TRNT1: variants seen among roughly 807,000 people sequenced by gnomAD.
TRNT1 encodes CCA tRNA nucleotidyltransferase 1, mitochondrial.
TRNT1 carries 44 observed loss-of-function variants against 45.6 expected under a neutral mutation model. The ratio of observed to expected loss-of-function variants is 0.97; its 90% CI spans 0.76 to 1.24. The LOEUF (loss-of-function observed/expected upper bound fraction) is 1.24, where lower values mean the gene tolerates loss of function less well. Among genes scored for constraint, TRNT1 ranks in the 50% most tolerant of loss-of-function variants. The probability of loss-of-function intolerance (pLI) is 0.00; values close to 1 mark genes in which losing one functional copy is unlikely to be tolerated. For missense variants in TRNT1, 633 were observed against 504.4 expected (o/e 1.25, Z -2.44); for synonymous variants, 201 against 171.4 (o/e 1.17, Z -1.35).
chr3:3,136,689 C>G, intron 2 of TRNT1: 2 of 414,362 alleles, frequency 4.8e-6, no homozygotes, highest in Non-Finnish European at 9.4e-6. Flanking sequence ...AGGTCTTGCT[C>G]TGTCACCCAG....
intron 5 of TRNT1, chr3:3,144,960 G>A (rs1705897414): frequency 4.3e-6 from 1 of 231,208 alleles, no homozygotes; most frequent in East Asian, 1.2e-4. Context: ...CTTTTTAAAT[G>A]TCCATTTTTC....
rs1463719011 is a variant in TRNT1, at chr3:3,149,020, C to CAA, written c.*868_*869dup. 1.3e-5 allele frequency: 2 copies of CAA among 151,806 alleles called. No individual in the cohort carries two copies. The highest frequency in any genetic ancestry group is 1.9e-4 in the East Asian group (1 of 5,166). The allele number at this position is 151,806 out of a possible 1,614,324, so 9.4% of individuals were successfully genotyped here. A position where few individuals can be genotyped will look rare whatever the true frequency, so the allele number is the denominator to read the frequency against. Reference sequence around the variant, plus strand: ...CATCAGGTAAATAAAATGTATAATACAAACTGTTTATTTCAGCTGCTATAA... The same window carrying CAA: ...CATCAGGTAAATAAAATGTATAATACAAAAACTGTTTATTTCAGCTGCTATAA... On this transcript the variant is annotated 3_prime_UTR_variant, in exon 8 of 8. Coordinates refer to ENST00000251607, the MANE Select transcript of TRNT1 (RefSeq NM_182916.3).
chr3:3,144,769 T>C (rs1705879994), intron 5 of TRNT1, 59 bp downstream of exon 5: 3 of 1,413,664 alleles, frequency 2.1e-6, no homozygotes, highest in African/African-American at 1.5e-5. Context: ...AGCATAACAG[T>C]GGTCATACGA....
At chr3:3,152,992 TG>T (rs2126052300), downstream of TRNT1, 1 of 296,094 alleles carries the variant, frequency 3.4e-6, no homozygotes, top group Non-Finnish European at 6.4e-6. Flanking sequence ...GATTTACAAC[TG>T]ATGGATTTGT....
downstream of TRNT1, among the ~76,000 whole-genome samples, chr3:3,151,469 C>T (rs1438392073): frequency 6.7e-6 from 1 of 149,894 alleles, no homozygotes; most frequent in Non-Finnish European, 1.5e-5. Flanking sequence ...ACTGGATGGG[C>T]CAGGAAGGAC....
intron 2 of TRNT1, chr3:3,129,769 C>A: frequency 8.9e-7 from 1 of 1,129,642 alleles, no homozygotes; most frequent in South Asian, 1.3e-5. Flanking sequence ...CACATTTTGA[C>A]CTGTTACGTG....
chr3:3,138,495 G>C (rs1410867119), intron 3 of TRNT1, among the ~76,000 whole-genome samples: 3 of 152,192 alleles, frequency 2.0e-5, no homozygotes, highest in East Asian at 3.9e-4. Flanking sequence ...TTCACTTACT[G>C]TGCAGGGCAC....
At chr3:3,131,363 C>G (rs891874248) in intron 2 of TRNT1, 3 of 152,150 alleles carry the variant, frequency 2.0e-5, no homozygotes, top group Admixed American at 6.5e-5. Flanking sequence ...GATGGCCTAA[C>G]TCAGGTCATT....
intron 3 of TRNT1, among the ~76,000 whole-genome samples, chr3:3,138,351 C>G (rs1171398346): frequency 1.3e-5 from 2 of 152,198 alleles, no homozygotes; most frequent in Non-Finnish European, 2.9e-5. Context: ...TCCAGTACTG[C>G]CAGTAAGTCT....
chr3:3,145,221 TGG>T (rs1705920557), intron 5 of TRNT1: 1 of 152,454 alleles, frequency 6.6e-6, no homozygotes, highest in Non-Finnish European at 1.5e-5. Context: ...GAAACTTGGA[TGG>T]GCCGGGTGTG....
chr3:3,128,634 T>C (rs970716830), intron 1 of TRNT1, among the ~76,000 whole-genome samples: 10 of 151,642 alleles, frequency 6.6e-5, no homozygotes, highest in Non-Finnish European at 1.5e-4. Flanking sequence ...ATTCCTTTGT[T>C]ATTTTATCAT....
intron 4 of TRNT1, among the ~76,000 whole-genome samples, chr3:3,143,152 A>C (rs1559226210): frequency 6.6e-6 from 1 of 152,160 alleles, no homozygotes; most frequent in East Asian, 1.9e-4. Context: ...TGGTGAGCTG[A>C]ATGGTGTCTG....
intron 2 of TRNT1, among the ~76,000 whole-genome samples, chr3:3,134,603 T>A (rs1177291868): frequency 1.3e-5 from 2 of 152,200 alleles, no homozygotes; most frequent in Non-Finnish European, 1.5e-5. Flanking sequence ...CTGTTTATAG[T>A]AAGTTCAAGT....
downstream of TRNT1, chr3:3,151,171 T>C: frequency 9.9e-7 from 1 of 1,010,942 alleles, no homozygotes; most frequent in Non-Finnish European, 1.5e-6. Context: ...AGTTGAGATT[T>C]GATCCATACA....
Position 3,148,433 on chromosome 3 carries a change from T to A in TRNT1, c.*279T>A, listed in dbSNP as rs952422393. ...ATCTATCTTAACCTGTTCAGGCTTT[T>A]AAAAAAAACTGTTTTTGCATAGGGT... On this transcript the variant is annotated 3_prime_UTR_variant, in exon 8 of 8. Transcript: ENST00000251607. 8.1e-6 allele frequency: 2 copies of A among 245,688 alleles called. No homozygotes were observed. The highest frequency in any genetic ancestry group is 2.3e-5 in the African/African-American group (1 of 44,238). 15.2% of individuals were successfully genotyped at this position (245,688 alleles called of 1,614,324 possible). A position where few individuals can be genotyped will look rare whatever the true frequency, so the allele number is the denominator to read the frequency against.
downstream of TRNT1, chr3:3,153,247 G>T: frequency 5.3e-6 from 3 of 562,984 alleles, 1 homozygote; most frequent in South Asian, 6.1e-5. Flanking sequence ...ATGCATTGTT[G>T]CTCTGAGTAC....
At chr3:3,139,788 G>C (rs1248705963) in intron 3 of TRNT1, among the ~76,000 whole-genome samples, 1 of 152,124 alleles carries the variant, frequency 6.6e-6, no homozygotes, top group Non-Finnish European at 1.5e-5. Context: ...AGTGCACAGT[G>C]TGATCTCGAC....
chr3:3,147,740 A>G, intron 7 of TRNT1, 37 bp downstream of exon 7: 1 of 1,556,194 alleles, frequency 6.4e-7, no homozygotes, highest in Non-Finnish European at 8.7e-7. Flanking sequence ...AATATGAAGT[A>G]TCGTCACGAA....
Position 3,147,910 on chromosome 3 carries a change from G to A in TRNT1, c.1061G>A (p.Arg354Lys). 4 of 1,611,178 alleles carry A rather than the reference G, an allele frequency of 2.5e-6. No individual in the cohort carries two copies. Among genetic ancestry groups the A allele is most frequent in the Non-Finnish European group, 3.4e-6 (4 of 1,178,410 alleles). The change falls in exon 8 of 8, where the codon AGG (arginine) becomes AAG (lysine). Residue 354 changes from arginine to lysine, a missense_variant. Arg to Lys is a conservative substitution (Grantham distance 26). Transcript: ENST00000251607. ...ATGTTTGATTTTGACACGTAGTCTA[G>A]GGAACCTGATGCAACTACTCGTGTA... is the stretch of plus-strand genomic sequence containing the variant. ...KPYQDFIIDS[R>K]EPDATTRVCE...
Sources: gnomAD v4.1 joint callset for allele counts (sites outside exome capture counted in the v4.1 genomes callset) on GRCh38, gnomAD v4.1.1 for gene constraint, MANE v1.5 for transcripts, NCBI Gene and HGNC (gene_info 2026-07-23, HGNC 2026-07-21) for gene names.